Variants in PTK2B observed in about 807,000 individuals in gnomAD.
The protein encoded by PTK2B is protein-tyrosine kinase 2-beta.
Under a neutral mutation model 142.9 loss-of-function variants are expected in PTK2B, and 71 were observed. The observed-to-expected ratio is 0.50, with a 90% CI of 0.41 to 0.61. The LOEUF is 0.61. Among genes scored for constraint, PTK2B ranks in the 20% least tolerant of loss-of-function variants. The pLI, the probability that PTK2B is intolerant of heterozygous loss-of-function variation, is 0.00. For missense variants in PTK2B, 1,105 were observed against 1,320.4 expected (o/e 0.84, Z 2.53); for synonymous variants, 519 against 503.4 (o/e 1.03, Z -0.42).
At position 27,454,303 on chromosome 8, in the gene PTK2B, G is replaced by A; in HGVS notation, c.2733+12G>A. The stretch of plus-strand genomic sequence containing the variant: ...TGGTGGTGGTGAAGGTGAGAGCAGG[G>A]CTGGGTTGGGGAGGTGGAGGCGGCT... On this transcript the variant is annotated intron_variant, in intron 29 of 30. Coordinates refer to ENST00000346049, the MANE Select transcript of PTK2B (RefSeq NM_173176.3). 6.2e-7 allele frequency: 1 copy of A among 1,610,236 alleles called. No homozygotes were observed. Among genetic ancestry groups the A allele is most frequent in the Non-Finnish European group, 8.5e-7 (1 of 1,178,484 alleles).
intron 22 of PTK2B, 24 bp downstream of exon 22, chr8:27,443,007 A>C (rs373362888): frequency 2.2e-4 from 342 of 1,578,980 alleles, no homozygotes; most frequent in Non-Finnish European, 2.7e-4. Flanking sequence ...TGGCCTCATA[A>C]GTCCTGTGAG....
chr8:27,366,955 C>T (rs1229661441), intron 1 of PTK2B, among the ~76,000 whole-genome samples: 1 of 151,960 alleles, frequency 6.6e-6, no homozygotes, highest in Middle Eastern at 3.2e-3. Flanking sequence ...TGTGGTGGCT[C>T]GGCTGGCACT....
chr8:27,330,845 G>A (rs1440260801), intron 1 of PTK2B, among the ~76,000 whole-genome samples: 2 of 152,154 alleles, frequency 1.3e-5, no homozygotes, highest in African/African-American at 2.4e-5. Context: ...AGGGGTGGAC[G>A]CTGCTCTGAG....
intron 2 of PTK2B, among the ~76,000 whole-genome samples, chr8:27,403,985 C>A (rs965195652): frequency 7.3e-5 from 11 of 151,374 alleles, no homozygotes; most frequent in African/African-American, 2.7e-4. Flanking sequence ...TCTCTCCTTC[C>A]TTTCCCTCTC....
At chr8:27,428,989 G>A (rs558967600) in intron 5 of PTK2B, among the ~76,000 whole-genome samples, 18 of 151,976 alleles carry the variant, frequency 1.2e-4, no homozygotes, top group Non-Finnish European at 1.9e-4. Flanking sequence ...GTGCAATCTC[G>A]GCTCACTGCA....
intron 1 of PTK2B, among the ~76,000 whole-genome samples, chr8:27,390,174 G>A (rs1331493133): frequency 6.6e-6 from 1 of 152,168 alleles, no homozygotes; most frequent in Non-Finnish European, 1.5e-5. Flanking sequence ...ATGGGGCTGT[G>A]CAGGAGCAGA....
At position 27,437,151 on chromosome 8, in the gene PTK2B, G is replaced by A; in HGVS notation, c.1371G>A (p.Lys457=). The change falls in exon 16 of 31, where the codon AAG becomes AAA. Residue 457 remains lysine, a synonymous_variant. Coordinates refer to ENST00000346049, the MANE Select transcript of PTK2B (RefSeq NM_173176.3). ...HKGEKINVAV[K]TCKKDCTLDN... is the part of the protein sequence containing the mutation. ...GGGAGAAAATCAATGTAGCTGTCAA[G>A]ACCTGCAAGAAAGACTGCACTCTGG... The A allele has an allele frequency of 1.2e-6, 2 of 1,614,060 alleles. No homozygotes were observed. Among genetic ancestry groups the A allele is most frequent in the Non-Finnish European group, 1.7e-6 (2 of 1,179,994 alleles).
intron 2 of PTK2B, among the ~76,000 whole-genome samples, chr8:27,404,671 T>C (rs777798266): frequency 6.6e-6 from 1 of 152,122 alleles, no homozygotes; most frequent in Non-Finnish European, 1.5e-5. Context: ...GATCATACAA[T>C]CCCTTCCAGA....
chr8:27,335,536 G>A (rs1292471959), intron 1 of PTK2B, among the ~76,000 whole-genome samples: 3 of 149,072 alleles, frequency 2.0e-5, no homozygotes, highest in Non-Finnish European at 3.0e-5. Flanking sequence ...AGGTTGCAGT[G>A]AGCCAAGATC....
intron 1 of PTK2B, among the ~76,000 whole-genome samples, chr8:27,326,632 G>A (rs1230852145): frequency 6.6e-6 from 1 of 152,222 alleles, no homozygotes; most frequent in Non-Finnish European, 1.5e-5. Flanking sequence ...ATGTGGTGGT[G>A]GGTGCTGGGA....
chr8:27,347,573 C>T (rs1375162133), intron 1 of PTK2B, among the ~76,000 whole-genome samples: 1 of 152,158 alleles, frequency 6.6e-6, no homozygotes, highest in Non-Finnish European at 1.5e-5. Context: ...TGCCTGTGTC[C>T]TCACATGGTC....
At chr8:27,436,460 T>G in intron 15 of PTK2B, 112 bp downstream of exon 15, 42 of 894,676 alleles carry the variant, frequency 4.7e-5, no homozygotes, top group East Asian at 7.4e-5. Flanking sequence ...TTGGGGCCCC[T>G]TGTCCCTAAG....
At chr8:27,434,173 G>A in intron 12 of PTK2B, 41 bp downstream of exon 12, 1 of 1,601,654 alleles carries the variant, frequency 6.2e-7, no homozygotes, top group Non-Finnish European at 8.6e-7. Context: ...CCTGAGCTCA[G>A]CCTGTGCTGC....
chr8:27,451,721 C>T (rs1487556792), intron 27 of PTK2B: 2 of 1,413,584 alleles, frequency 1.4e-6, no homozygotes, highest in Non-Finnish European at 1.8e-6. Context: ...CTGCCCTTCT[C>T]TCTCTCAGTG....
At chr8:27,319,493 A>T (rs1803163308) in intron 3 of PTK2B, among the ~76,000 whole-genome samples, 1 of 151,942 alleles carries the variant, frequency 6.6e-6, no homozygotes, top group Admixed American at 6.6e-5. Context: ...ATACAAAAAA[A>T]ATTAGCCAGG....
chr8:27,453,720 AT>A (rs201239841), intron 28 of PTK2B, among the ~76,000 whole-genome samples: 1 of 152,004 alleles, frequency 6.6e-6, no homozygotes, highest in Non-Finnish European at 1.5e-5. Flanking sequence ...TCTTTACTAA[AT>A]TTTTTTAAAA....
chr8:27,392,384 T>G (rs1415792215), intron 1 of PTK2B, among the ~76,000 whole-genome samples: 1 of 151,128 alleles, frequency 6.6e-6, no homozygotes, highest in Non-Finnish European at 1.5e-5. Flanking sequence ...TCAGACAAGA[T>G]TTTGGAAAAA....
At chr8:27,385,967 A>T (rs1807328300) in intron 1 of PTK2B, among the ~76,000 whole-genome samples, 1 of 151,292 alleles carries the variant, frequency 6.6e-6, no homozygotes, top group Non-Finnish European at 1.5e-5. Flanking sequence ...TCCAGTTTTT[A>T]TCCTTGTGCA....
At chr8:27,359,364 C>T (rs930727329) in intron 1 of PTK2B, among the ~76,000 whole-genome samples, 11 of 152,204 alleles carry the variant, frequency 7.2e-5, no homozygotes, top group Non-Finnish European at 1.6e-4. Flanking sequence ...GATCTGCCTG[C>T]CTCAGCCTCC....
Sources: gnomAD v4.1 joint callset for allele counts (sites outside exome capture counted in the v4.1 genomes callset) on GRCh38, gnomAD v4.1.1 for gene constraint, MANE v1.5 for transcripts, NCBI Gene and HGNC (gene_info 2026-07-23, HGNC 2026-07-21) for gene names.